SEC14L1: variants seen among roughly 807,000 people sequenced by gnomAD.
The protein encoded by SEC14L1 is SEC14 like lipid binding 1, also known as SEC14-like protein 1.
In SEC14L1, 48 loss-of-function variants were observed where a neutral mutation model predicts 85.3. The observed-to-expected ratio is 0.56, with a 90% CI of 0.45 to 0.72. SEC14L1 has a LOEUF of 0.72. Among genes scored for constraint, SEC14L1 ranks in the 30% least tolerant of loss-of-function variants. The probability of loss-of-function intolerance (pLI) is 0.00; values close to 1 mark genes in which losing one functional copy is unlikely to be tolerated. For missense variants in SEC14L1, 682 were observed against 921.4 expected (o/e 0.74, Z 3.36); for synonymous variants, 391 against 355.5 (o/e 1.10, Z -1.12).
At position 77,215,579 on chromosome 17, in the gene SEC14L1, GC is replaced by G; in HGVS notation, c.*1559del. On this transcript the variant is annotated 3_prime_UTR_variant, in exon 17 of 17. Transcript: ENST00000436233. ...GCAGCCCTCTTGCCCGGTCGGGTCA[GC>G]CCTAGTGGCTGCCTGCACACTGTAG... 1.0e-6 allele frequency: 1 copy of G among 987,486 alleles called. No individual in the cohort carries two copies. Among genetic ancestry groups the G allele is most frequent in the Non-Finnish European group, 1.2e-6 (1 of 830,806 alleles). The allele number at this position is 987,486 out of a possible 1,614,324, so 61.2% of individuals were successfully genotyped here.
chr17:77,216,532 C>T lies in SEC14L1; in HGVS notation c.*2509C>T. On this transcript the variant is annotated 3_prime_UTR_variant, in exon 17 of 17. Coordinates refer to ENST00000436233, the MANE Select transcript of SEC14L1 (RefSeq NM_001143998.2). ...AAGGTGGTCCCTGCTTTCTCTTTCT[C>T]TTTCTCTGTGTCTCAGATGGCGATT... 1 of 1,613,238 alleles carries T rather than the reference C, an allele frequency of 6.2e-7. No individual in the cohort carries two copies.
At chr17:77,117,850 T>G (rs1319016397) in intron 3 of SEC14L1, among the ~76,000 whole-genome samples, 1 of 152,218 alleles carries the variant, frequency 6.6e-6, no homozygotes, top group African/African-American at 2.4e-5. Context: ...TTTGGCCTTT[T>G]GCAGTGGGCC....
Position 77,111,396 on chromosome 17 carries a change from GT to G in SEC14L1, c.-136+18063del, listed in dbSNP as rs547141080. Among the ~76,000 whole-genome samples the G allele has an allele frequency of 3.7e-3, 521 of 140,650 alleles. 5 individuals carry two copies. The highest frequency in any genetic ancestry group is 0.028 in the East Asian group (136 of 4,818). 92.3% of individuals were successfully genotyped at this position (140,650 alleles called of 152,430 possible). A position where few individuals can be genotyped will look rare whatever the true frequency, so the allele number is the denominator to read the frequency against. ...GTGGAGACCAAAGTTCTTTTGAAGT[GT>G]TTTTTTTTTTTTTGAGACAGAGTCT... On this transcript the variant is annotated intron_variant, in intron 3 of 19. Transcript: ENST00000392476.
intron 2 of SEC14L1, chr17:77,089,370 G>A (rs1466680347): frequency 1.9e-6 from 1 of 518,914 alleles, no homozygotes; most frequent in Non-Finnish European, 3.8e-6. Flanking sequence ...CATGGTACCA[G>A]GCAGCCCAAC....
At chr17:77,199,739 T>A (rs1408870683) in intron 8 of SEC14L1, among the ~76,000 whole-genome samples, 1 of 152,192 alleles carries the variant, frequency 6.6e-6, no homozygotes, top group East Asian at 1.9e-4. Context: ...TTGCTCTACT[T>A]TGCGGAAACG....
chr17:77,190,719 C>A, intron 3 of SEC14L1, 84 bp from the exon 4 acceptor site: 2 of 1,415,602 alleles, frequency 1.4e-6, no homozygotes, highest in Non-Finnish European at 9.9e-7. Context: ...CCGAGAGGTG[C>A]TGTTCCAGGG....
chr17:77,150,704 A>C (rs986252960), intron 3 of SEC14L1, among the ~76,000 whole-genome samples: 1 of 152,184 alleles, frequency 6.6e-6, no homozygotes. Context: ...AGCTGTGCCC[A>C]TGTCGTTCCT....
At chr17:77,140,203 T>C (rs1036575481), upstream of SEC14L1, among the ~76,000 whole-genome samples, 1 of 152,216 alleles carries the variant, frequency 6.6e-6, no homozygotes, top group Non-Finnish European at 1.5e-5. Flanking sequence ...GCTCTCCTGC[T>C]GAAATTCGGG....
intron 13 of SEC14L1, 74 bp from the exon 14 acceptor site, chr17:77,209,268 C>T: frequency 2.5e-6 from 4 of 1,573,434 alleles, no homozygotes; most frequent in Non-Finnish European, 3.5e-6. Flanking sequence ...GGGGATAGTG[C>T]TGGCCGGTGT....
chr17:77,147,033 C>T (rs1462347350), intron 3 of SEC14L1, among the ~76,000 whole-genome samples: 1 of 152,182 alleles, frequency 6.6e-6, no homozygotes, highest in Non-Finnish European at 1.5e-5. Flanking sequence ...TAGCTTCCGC[C>T]GGCGGACTTG....
intron 3 of SEC14L1, among the ~76,000 whole-genome samples, chr17:77,182,047 A>G (rs1273058282): frequency 6.6e-6 from 1 of 151,970 alleles, no homozygotes; most frequent in Admixed American, 6.6e-5. Context: ...CCAGGGTAAA[A>G]CCAGATCTGT....
At chr17:77,136,678 C>A (rs956175765), upstream of SEC14L1, among the ~76,000 whole-genome samples, 1 of 152,158 alleles carries the variant, frequency 6.6e-6, no homozygotes, top group South Asian at 2.1e-4. Flanking sequence ...ACATGCATAT[C>A]ATTTCCAAGG....
At chr17:77,191,563 GAC>G (rs1204282093) in intron 5 of SEC14L1, among the ~76,000 whole-genome samples, 2 of 151,706 alleles carry the variant, frequency 1.3e-5, no homozygotes, top group African/African-American at 4.8e-5. Context: ...TCTTTTTTGA[GAC>G]ACAGTCTCCC....
At chr17:77,092,951 C>CAA (rs35244244) in intron 2 of SEC14L1, among the ~76,000 whole-genome samples, 48 of 84,370 alleles carry the variant, frequency 5.7e-4, no homozygotes, top group East Asian at 1.4e-3. Context: ...AACTCCGTCT[C>CAA]AAAAAAAAAA....
At position 77,213,571 on chromosome 17, in the gene SEC14L1, C is replaced by T. The variant is rs766775730; in HGVS notation, c.2042+79C>T. On this transcript the variant is annotated intron_variant, in intron 16 of 16. Transcript: ENST00000436233. The surrounding 1 kb of genome is among the most constrained non-coding windows in gnomAD (Gnocchi z 7.1). Reference sequence around the variant, plus strand: ...GGAGCCTGCAGTCCCACGCCGTGTGCAGGATCAGCAGTGGCGGCGGGTGTC... The same window carrying T: ...GGAGCCTGCAGTCCCACGCCGTGTGTAGGATCAGCAGTGGCGGCGGGTGTC... 1.1e-5 allele frequency: 17 copies of T among 1,530,072 alleles called. No individual in the cohort carries two copies. The African/African-American group carries it at 1.4e-4, about 12-fold the overall frequency. The allele number at this position is 1,530,072 out of a possible 1,614,324, so 94.8% of individuals were successfully genotyped here.
At chr17:77,167,137 T>C (rs529790140) in intron 3 of SEC14L1, among the ~76,000 whole-genome samples, 16 of 142,192 alleles carry the variant, frequency 1.1e-4, no homozygotes, top group Non-Finnish European at 2.0e-4. Flanking sequence ...CTGTTTTCTT[T>C]TCTTTTTCCT....
chr17:77,214,257 A>T lies in SEC14L1; in HGVS notation c.*234A>T. 1 of 1,329,144 alleles carries T rather than the reference A, an allele frequency of 7.5e-7. No individual in the cohort carries two copies. The highest frequency in any genetic ancestry group is 9.6e-7 in the Non-Finnish European group (1 of 1,041,144). 82.3% of individuals were successfully genotyped at this position (1,329,144 alleles called of 1,614,324 possible). A position where few individuals can be genotyped will look rare whatever the true frequency, so the allele number is the denominator to read the frequency against. On this transcript the variant is annotated 3_prime_UTR_variant, in exon 17 of 17. Coordinates refer to ENST00000436233, the MANE Select transcript of SEC14L1 (RefSeq NM_001143998.2). ...AGATTTTGTATACGTTGTGCACAAA[A>T]TCCAACCAGAGCGCAAGGGCTCTCT... is the stretch of plus-strand genomic sequence containing the variant.
rs79488749 is a variant in SEC14L1, at chr17:77,135,096, T to C, written c.-135-7550T>C. 7.3e-3 allele frequency among the ~76,000 whole-genome samples: 1,104 copies of C among 152,252 alleles called. 20 individuals carry two copies. The highest frequency in any genetic ancestry group is 0.024 in the African/African-American group (979 of 41,544). ...TATTACCGAAGCCCAGGAGCTATCT[T>C]ATTTCTCGTTCTGTTACCCATCTTT... On this transcript the variant is annotated intron_variant, in intron 3 of 19. Coordinates refer to the SEC14L1 transcript ENST00000392476.
intron 3 of SEC14L1, among the ~76,000 whole-genome samples, chr17:77,100,871 A>G (rs1205759179): frequency 6.6e-6 from 1 of 152,194 alleles, no homozygotes; most frequent in Admixed American, 6.6e-5. Flanking sequence ...AAGACTTTTC[A>G]TACAATTGAT....
Sources: allele counts gnomAD v4.1 joint callset (sites outside exome capture counted in the v4.1 genomes callset), GRCh38; gene constraint gnomAD v4.1.1; non-coding constraint Gnocchi (gnomAD v3.1); transcripts MANE v1.5; gene names NCBI Gene and HGNC (gene_info 2026-07-23, HGNC 2026-07-21).